HDAC9: variants seen among roughly 807,000 people sequenced by gnomAD.
The protein encoded by HDAC9 is MEF-2 interacting transcription repressor (MITR) protein.
Under a neutral mutation model 139.4 loss-of-function variants are expected in HDAC9, and 41 were observed. The observed-to-expected ratio is 0.29, with a 90% CI of 0.23 to 0.38. HDAC9 has a LOEUF of 0.38. Ranked by LOEUF, HDAC9 falls within the 10% of genes least tolerant of loss-of-function variation. The pLI is 1.00. For missense variants in HDAC9, 1,147 were observed against 1,297.0 expected, an observed-to-expected ratio of 0.88 and a Z score of 1.78; for synonymous variants, 517 against 476.2, an observed-to-expected ratio of 1.09 and a Z score of -1.12.
chr7:18,110,371 G>C (rs867087373), intron 1 of HDAC9, among the ~76,000 whole-genome samples: 10 of 152,204 alleles, frequency 6.6e-5, no homozygotes, highest in African/African-American at 2.4e-4. Flanking sequence ...AAAGTACAGA[G>C]GAGGGGTCTT....
In HDAC9 at chr7:18,991,591, G is replaced by T. The variant is rs4721738; in HGVS notation, c.3171-4432G>T. The stretch of plus-strand genomic sequence containing the variant: ...GGCGGAGCTTGCAGTGAGCGGAGAT[G>T]GTGCCATTGCACTCCAGCCTGGGTG... On this transcript the variant is annotated intron_variant, in intron 25 of 25. Transcript: ENST00000686413. Among the ~76,000 whole-genome samples, 28 of 151,584 alleles carry T rather than the reference G, an allele frequency of 1.8e-4. 1 individual carries two copies. In the South Asian group the frequency reaches 3.7e-3, roughly 20 times the overall value.
At chr7:18,165,679 A>G (rs1389178007) in intron 2 of HDAC9, among the ~76,000 whole-genome samples, 2 of 151,876 alleles carry the variant, frequency 1.3e-5, no homozygotes, top group East Asian at 3.9e-4. Flanking sequence ...AGTCCCTGCT[A>G]CTTAGGAAGC....
chr7:18,340,356 C>G (rs922962482), intron 1 of HDAC9, among the ~76,000 whole-genome samples: 7 of 151,394 alleles, frequency 4.6e-5, no homozygotes, highest in Non-Finnish European at 8.9e-5. Flanking sequence ...GACCATATAC[C>G]TTTAGTGTGA....
At chr7:18,526,109 G>T (rs916855982) in intron 2 of HDAC9, among the ~76,000 whole-genome samples, 12 of 152,112 alleles carry the variant, frequency 7.9e-5, no homozygotes, top group Admixed American at 5.9e-4. Context: ...GCATAGGAAA[G>T]GTTCACAAAG....
intron 12 of HDAC9, among the ~76,000 whole-genome samples, chr7:18,711,594 C>T (rs1784348978): frequency 6.6e-6 from 1 of 152,206 alleles, no homozygotes; most frequent in South Asian, 2.1e-4. Context: ...TGGTCTGCCA[C>T]ACCCACCACC....
At chr7:18,273,056 G>GGTTTTTTTTTTT in intron 2 of HDAC9, among the ~76,000 whole-genome samples, 1 of 84,784 alleles carries the variant, frequency 1.2e-5, no homozygotes, top group Non-Finnish European at 2.2e-5. Flanking sequence ...CCCCTTCTTC[G>GGTTTTTTTTTTT]TTTTTTTTTT....
At chr7:18,655,977 G>A (rs79587108) in intron 11 of HDAC9, among the ~76,000 whole-genome samples, 1,653 of 151,750 alleles carry the variant, frequency 0.011, 18 homozygotes, top group South Asian at 0.047. Flanking sequence ...AAAAAATTAG[G>A]TCTTGCTAAG....
chr7:19,002,090 C>T lies in HDAC9; in HGVS notation c.*6028C>T, dbSNP rs1786779688. The T allele has an allele frequency of 6.6e-6, 1 of 151,978 alleles. No individual in the cohort carries two copies. Among genetic ancestry groups the T allele is most frequent in the South Asian group, 2.1e-4 (1 of 4,810 alleles). The allele number at this position is 151,978 out of a possible 1,614,324, so 9.4% of individuals were successfully genotyped here. On this transcript the variant is annotated 3_prime_UTR_variant, in exon 26 of 26. Coordinates refer to ENST00000686413, the MANE Select transcript of HDAC9 (RefSeq NM_178425.4). Reference sequence around the variant, plus strand: ...GCTAGCATCACCAAGATCTGTCATCCAGAGCTGCTGAGAAAAATACATGTT... The same window carrying T: ...GCTAGCATCACCAAGATCTGTCATCTAGAGCTGCTGAGAAAAATACATGTT...
At chr7:18,276,810 T>C (rs1232802744) in intron 2 of HDAC9, among the ~76,000 whole-genome samples, 1 of 152,216 alleles carries the variant, frequency 6.6e-6, no homozygotes, top group Non-Finnish European at 1.5e-5. Flanking sequence ...CTGTCTAATA[T>C]TTACTTCAAA....
chr7:18,529,786 CA>C (rs2128233184), intron 2 of HDAC9, among the ~76,000 whole-genome samples: 1 of 152,040 alleles, frequency 6.6e-6, no homozygotes, highest in Admixed American at 6.6e-5. Context: ...TTTATTGCAC[CA>C]ATTTTTTTAA....
At chr7:18,559,638 G>A (rs375922730) in intron 2 of HDAC9, among the ~76,000 whole-genome samples, 1 of 152,068 alleles carries the variant, frequency 6.6e-6, no homozygotes, top group Non-Finnish European at 1.5e-5. Flanking sequence ...AGGAGCTAAG[G>A]CCCCTACACT....
In HDAC9 at chr7:18,585,536, C is replaced by T. The variant is rs774468276; in HGVS notation, c.264+14C>T. 2 of 1,611,910 alleles carry T rather than the reference C, an allele frequency of 1.2e-6. No homozygotes were observed. Among genetic ancestry groups the T allele is most frequent in the African/African-American group, 2.7e-5 (2 of 74,906 alleles). ...GAGCATATCAAGGTAGCAAATGCTT[C>T]TTTGTCTGTGACCTTACTCAGGAGT... On this transcript the variant is annotated intron_variant, in intron 3 of 25. Coordinates refer to ENST00000686413, the MANE Select transcript of HDAC9 (RefSeq NM_178425.4).
intron 21 of HDAC9, among the ~76,000 whole-genome samples, chr7:18,865,721 T>G (rs1324263670): frequency 6.6e-6 from 1 of 152,112 alleles, no homozygotes; most frequent in Non-Finnish European, 1.5e-5. Context: ...TGGGAGCCTC[T>G]TTTCCTTGTA....
intron 2 of HDAC9, among the ~76,000 whole-genome samples, chr7:18,246,768 A>G (rs186792130): frequency 1.5e-3 from 234 of 152,274 alleles, no homozygotes; most frequent in African/African-American, 5.1e-3. Context: ...GCAAAACTCT[A>G]TGCAAGAGTA....
chr7:18,562,938 A>C (rs1457888548), intron 2 of HDAC9, among the ~76,000 whole-genome samples: 1 of 151,996 alleles, frequency 6.6e-6, no homozygotes, highest in African/African-American at 2.4e-5. Context: ...CAGTGTTGTA[A>C]TTTCGATGTA....
chr7:18,592,303 G>A (rs1378912856), intron 5 of HDAC9, among the ~76,000 whole-genome samples: 1 of 152,050 alleles, frequency 6.6e-6, no homozygotes, highest in Non-Finnish European at 1.5e-5. Context: ...CACACAACCT[G>A]ACAACATAAT....
At chr7:18,573,285 T>A (rs1824901737) in intron 2 of HDAC9, among the ~76,000 whole-genome samples, 1 of 152,276 alleles carries the variant, frequency 6.6e-6, no homozygotes, top group Non-Finnish European at 1.5e-5. Flanking sequence ...ATTCTTTTCA[T>A]GTTTGATAAT....
chr7:18,224,953 A>C (rs1422240760), intron 2 of HDAC9, among the ~76,000 whole-genome samples: 1 of 152,158 alleles, frequency 6.6e-6, no homozygotes, highest in African/African-American at 2.4e-5. Flanking sequence ...AAGACAGTAG[A>C]AAAATGCAGC....
At chr7:18,795,257 T>TAAAAAAAAAAAAAAA (rs5882676) in intron 17 of HDAC9, among the ~76,000 whole-genome samples, 62 of 65,492 alleles carry the variant, frequency 9.5e-4, no homozygotes, top group African/African-American at 2.8e-3. Flanking sequence ...AAGAAAACAG[T>TAAAAAAAAAAAAAAA]AAAAAAAAAA....
Sources: allele counts gnomAD v4.1 joint callset (sites outside exome capture counted in the v4.1 genomes callset), GRCh38; gene constraint gnomAD v4.1.1; transcripts MANE v1.5; gene names NCBI Gene and HGNC (gene_info 2026-07-23, HGNC 2026-07-21).